The following PTPRO variants were observed in gnomAD, a reference collection of about 807,000 sequenced individuals.
PTPRO encodes the protein receptor-type tyrosine-protein phosphatase O.
In PTPRO, 62 loss-of-function variants were observed where a neutral mutation model predicts 145.2. That is an observed-to-expected ratio of 0.43 (90% confidence interval 0.35 to 0.53). The LOEUF is 0.53. Ranked by LOEUF, PTPRO falls within the 20% of genes least tolerant of loss-of-function variation. The pLI is 0.01. For missense variants in PTPRO, 1,345 were observed against 1,482.7 expected, an observed-to-expected ratio of 0.91 and a Z score of 1.53; for synonymous variants, 565 against 514.7, an observed-to-expected ratio of 1.10 and a Z score of -1.32.
intron 19 of PTPRO, among the ~76,000 whole-genome samples, chr12:15,569,714 A>G (rs577027471): frequency 1.7e-3 from 260 of 152,274 alleles, no homozygotes; most frequent in Non-Finnish European, 3.1e-3. Flanking sequence ...GAAGAAGAGA[A>G]TAGGTGCAGG....
intron 12 of PTPRO, among the ~76,000 whole-genome samples, chr12:15,528,327 T>C (rs1276781179): frequency 1.2e-4 from 17 of 144,190 alleles, no homozygotes; most frequent in South Asian, 2.2e-4. Context: ...CCATCCTGGC[T>C]AACATGGTGA....
chr12:15,467,554 C>T (rs928937823), intron 1 of PTPRO, among the ~76,000 whole-genome samples: 1 of 152,010 alleles, frequency 6.6e-6, no homozygotes, highest in East Asian at 1.9e-4. Flanking sequence ...TAGTGGCCAT[C>T]ATTTCTCTCC....
chr12:15,328,777 C>T (rs1183698801), intron 1 of PTPRO, among the ~76,000 whole-genome samples: 1 of 152,104 alleles, frequency 6.6e-6, no homozygotes, highest in African/African-American at 2.4e-5. Flanking sequence ...GTTTTTCACT[C>T]TTTATAAATA....
chr12:15,449,613 G>A (rs899427489), intron 1 of PTPRO, among the ~76,000 whole-genome samples: 2 of 152,124 alleles, frequency 1.3e-5, no homozygotes, highest in African/African-American at 4.8e-5. Flanking sequence ...TAAAAATATG[G>A]AAAGTGATGG....
At chr12:15,450,205 A>T (rs1941009486) in intron 1 of PTPRO, among the ~76,000 whole-genome samples, 1 of 152,122 alleles carries the variant, frequency 6.6e-6, no homozygotes, top group African/African-American at 2.4e-5. Flanking sequence ...TCCCTCTAAA[A>T]TTGAATGAAT....
chr12:15,554,632 C>T (rs1239510583), intron 15 of PTPRO, among the ~76,000 whole-genome samples: 2 of 151,966 alleles, frequency 1.3e-5, no homozygotes, highest in Non-Finnish European at 2.9e-5. Flanking sequence ...GGCTGGGAGG[C>T]GAGGCCAGTC....
At chr12:15,581,170 A>T (rs1441907783) in intron 22 of PTPRO, among the ~76,000 whole-genome samples, 2 of 152,196 alleles carry the variant, frequency 1.3e-5, no homozygotes, top group Non-Finnish European at 2.9e-5. Context: ...AACTAGTCTC[A>T]GAGTCCCAAC....
intron 1 of PTPRO, among the ~76,000 whole-genome samples, chr12:15,399,451 C>T (rs1035304899): frequency 4.6e-5 from 7 of 152,134 alleles, no homozygotes; most frequent in Non-Finnish European, 8.8e-5. Context: ...CTCTGAAGCC[C>T]ACTAGCATGC....
chr12:15,430,919 T>C (rs1940418337), intron 1 of PTPRO, among the ~76,000 whole-genome samples: 1 of 152,186 alleles, frequency 6.6e-6, no homozygotes, highest in Non-Finnish European at 1.5e-5. Context: ...TCAGAAATAA[T>C]GCTAAAGAAG....
In PTPRO at chr12:15,597,024, G is replaced by C. The variant is rs942694506; in HGVS notation, c.*951G>C. Reference sequence around the variant, plus strand: ...GAAAACGCACTTTCTTTCCCCCAAAGAGCTGGGAATTTATGAAGTTATGGC... The same window carrying C: ...GAAAACGCACTTTCTTTCCCCCAAACAGCTGGGAATTTATGAAGTTATGGC... On this transcript the variant is annotated 3_prime_UTR_variant, in exon 27 of 27. Transcript: ENST00000281171. 4 of 152,630 alleles carry C rather than the reference G, an allele frequency of 2.6e-5. No individual in the cohort carries two copies. The highest frequency in any genetic ancestry group is 9.7e-5 in the African/African-American group (4 of 41,428). 9.5% of individuals were successfully genotyped at this position (152,630 alleles called of 1,614,324 possible).
intron 1 of PTPRO, among the ~76,000 whole-genome samples, chr12:15,433,203 C>G (rs1940497899): frequency 7.2e-6 from 1 of 138,144 alleles, no homozygotes; most frequent in African/African-American, 2.7e-5. Context: ...GAGGTGGAGT[C>G]TCACTCTGTC....
rs142242475 is a variant in PTPRO, at chr12:15,432,353, A to G, written c.76-51621A>G. 4.7e-3 allele frequency among the ~76,000 whole-genome samples: 712 copies of G among 152,356 alleles called. 2 individuals are homozygous for G. The highest frequency in any genetic ancestry group is 0.016 in the African/African-American group (670 of 41,576). Reference sequence around the variant, plus strand: ...TGATTGCATTATTTTTTACTGCTGCATAGTATTCTATGATGTATATATAAC... The same window carrying G: ...TGATTGCATTATTTTTTACTGCTGCGTAGTATTCTATGATGTATATATAAC... On this transcript the variant is annotated intron_variant, in intron 1 of 26. Transcript: ENST00000281171.
At chr12:15,331,962 C>CTTTTTTTT (rs200334215) in intron 1 of PTPRO, among the ~76,000 whole-genome samples, 83 of 118,244 alleles carry the variant, frequency 7.0e-4, no homozygotes, top group Middle Eastern at 5.2e-3. Flanking sequence ...CTCTTTCTTT[C>CTTTTTTTT]TTTTTTTTTT....
Position 15,527,516 on chromosome 12 carries a change from C to T in PTPRO, c.2164+1254C>T, listed in dbSNP as rs988263887. 2.8e-4 allele frequency among the ~76,000 whole-genome samples: 43 copies of T among 152,236 alleles called. 1 individual carries two copies. Among genetic ancestry groups the T allele is most frequent in the African/African-American group, 1.0e-3 (42 of 41,470 alleles). On this transcript the variant is annotated intron_variant, in intron 12 of 26. Coordinates refer to ENST00000281171, the MANE Select transcript of PTPRO (RefSeq NM_030667.3). ...CAGTCCCAGCAACTCTGCTCTGTAA[C>T]TTGGCCAAAGGAGACACCAAATCAG...
At chr12:15,375,141 T>C (rs1056420884) in intron 1 of PTPRO, among the ~76,000 whole-genome samples, 1 of 152,164 alleles carries the variant, frequency 6.6e-6, no homozygotes, top group Non-Finnish European at 1.5e-5. Context: ...CTTTACAGAA[T>C]TAGCCCTAGA....
intron 1 of PTPRO, among the ~76,000 whole-genome samples, chr12:15,418,191 C>T (rs1198254858): frequency 6.6e-6 from 1 of 151,798 alleles, no homozygotes; most frequent in Non-Finnish European, 1.5e-5. Flanking sequence ...TTGAATAGCA[C>T]AGGCAAAGTG....
intron 1 of PTPRO, among the ~76,000 whole-genome samples, chr12:15,357,108 C>T (rs183184455): frequency 2.0e-5 from 3 of 152,298 alleles, no homozygotes; most frequent in Non-Finnish European, 1.5e-5. Flanking sequence ...TCAAGTAATT[C>T]GGTATAAGCA....
chr12:15,398,173 G>A (rs1939394408), intron 1 of PTPRO, among the ~76,000 whole-genome samples: 1 of 152,168 alleles, frequency 6.6e-6, no homozygotes, highest in Non-Finnish European at 1.5e-5. Flanking sequence ...CACTTCAAAT[G>A]CTAACAACAT....
At chr12:15,468,027 T>C (rs1315369551) in intron 1 of PTPRO, among the ~76,000 whole-genome samples, 1 of 152,218 alleles carries the variant, frequency 6.6e-6, no homozygotes, top group Non-Finnish European at 1.5e-5. Context: ...TCATATCATC[T>C]TGGGGGCTCT....
Sources: gnomAD v4.1 joint callset for allele counts (sites outside exome capture counted in the v4.1 genomes callset) on GRCh38, gnomAD v4.1.1 for gene constraint, MANE v1.5 for transcripts, NCBI Gene and HGNC (gene_info 2026-07-23, HGNC 2026-07-21) for gene names.